Variants in PTPRD observed in about 807,000 individuals in gnomAD.
PTPRD encodes protein tyrosine phosphatase receptor type D, also known as receptor-type tyrosine-protein phosphatase delta.
PTPRD carries 34 observed loss-of-function variants against 214.5 expected under a neutral mutation model. The observed-to-expected ratio is 0.16, with a 90% CI of 0.12 to 0.21. The LOEUF (loss-of-function observed/expected upper bound fraction) is 0.21. Among genes scored for constraint, PTPRD ranks in the 10% least tolerant of loss-of-function variants. The probability of loss-of-function intolerance (pLI) is 1.00; values close to 1 mark genes in which losing one functional copy is unlikely to be tolerated. For synonymous variants in PTPRD, 1,128 were observed against 845.7 expected (o/e 1.33, Z -5.79); for missense variants, 2,545 against 2,398.7 (o/e 1.06, Z -1.27).
intron 14 of PTPRD, among the ~76,000 whole-genome samples, chr9:8,589,335 G>A (rs2093921617): frequency 6.6e-6 from 1 of 152,130 alleles, no homozygotes. Context: ...AACATTTAAT[G>A]TAGCAAAATA....
At chr9:9,520,039 C>T (rs2096928862) in intron 8 of PTPRD, among the ~76,000 whole-genome samples, 2 of 151,902 alleles carry the variant, frequency 1.3e-5, no homozygotes, top group South Asian at 4.1e-4. Context: ...AAAGTTGGTA[C>T]TTCAAAACAT....
chr9:9,027,679 T>C (rs2099591749), intron 10 of PTPRD, among the ~76,000 whole-genome samples: 2 of 151,892 alleles, frequency 1.3e-5, no homozygotes, highest in African/African-American at 2.4e-5. Flanking sequence ...CACATATCAT[T>C]GAGGTGTTAT....
At chr9:8,998,887 T>C (rs1169080508) in intron 11 of PTPRD, among the ~76,000 whole-genome samples, 1 of 151,838 alleles carries the variant, frequency 6.6e-6, no homozygotes, top group African/African-American at 2.4e-5. Flanking sequence ...CTTTGAGAGG[T>C]TCAAGACTTC....
At chr9:9,386,330 A>G (rs1261950210) in intron 9 of PTPRD, among the ~76,000 whole-genome samples, 2 of 152,104 alleles carry the variant, frequency 1.3e-5, no homozygotes, top group East Asian at 1.9e-4. Flanking sequence ...CATTGAACCA[A>G]TGAGGTACGG....
intron 3 of PTPRD, among the ~76,000 whole-genome samples, chr9:10,319,031 A>G (rs1467196397): frequency 4.6e-5 from 7 of 151,906 alleles, no homozygotes; most frequent in African/African-American, 7.3e-5. Context: ...CTCCCCTTCC[A>G]TCTTTTATGG....
At chr9:10,548,748 T>TG (rs5896401) in intron 2 of PTPRD, among the ~76,000 whole-genome samples, 144,271 of 152,192 alleles carry the variant, frequency 0.95, 68,502 homozygotes, top group Middle Eastern at 0.98. Flanking sequence ...GAGCAACATC[T>TG]TAGAATGCTG....
chr9:9,660,632 A>G (rs2096605042), intron 7 of PTPRD, among the ~76,000 whole-genome samples: 1 of 151,906 alleles, frequency 6.6e-6, no homozygotes, highest in Admixed American at 6.6e-5. Flanking sequence ...TGAAATTTTA[A>G]TTTCTTGATT....
At chr9:9,693,329 G>C (rs1348820702) in intron 7 of PTPRD, among the ~76,000 whole-genome samples, 1 of 152,052 alleles carries the variant, frequency 6.6e-6, no homozygotes. Flanking sequence ...TCTCATGTTT[G>C]TGAGTGGATT....
At chr9:8,353,801 C>G (rs1464375008) in intron 39 of PTPRD, among the ~76,000 whole-genome samples, 1 of 113,714 alleles carries the variant, frequency 8.8e-6, no homozygotes, top group East Asian at 2.1e-4. Context: ...AAATTTGAGA[C>G]TCCTTCTCAA....
Position 9,966,211 on chromosome 9 carries a change from C to T in PTPRD, c.-471-27601G>A, listed in dbSNP as rs192303886. On this transcript the variant is annotated intron_variant, in intron 4 of 45. Transcript: ENST00000381196. ...AAACTAAAGACCTAAGGCTATTTTT[C>T]GCAACACAAGGAAAGATTTATTCTC... is the stretch of plus-strand genomic sequence containing the variant. Among the ~76,000 whole-genome samples the T allele has an allele frequency of 8.5e-5, 13 of 152,154 alleles. No individual in the cohort carries two copies. The East Asian group carries it at 1.2e-3, about 14-fold the overall frequency.
intron 7 of PTPRD, among the ~76,000 whole-genome samples, chr9:9,669,794 T>C (rs887967307): frequency 1.3e-5 from 2 of 152,170 alleles, no homozygotes; most frequent in African/African-American, 4.8e-5. Flanking sequence ...TATGAGAATA[T>C]TGAGGATCAT....
chr9:10,173,217 G>A (rs897380388), intron 3 of PTPRD, among the ~76,000 whole-genome samples: 10 of 152,130 alleles, frequency 6.6e-5, no homozygotes, highest in East Asian at 3.9e-4. Flanking sequence ...GCTCTTTAGC[G>A]TATTCTAGTA....
chr9:10,231,987 A>AGTGTGTGTGTGTGTGT (rs1352673296), intron 3 of PTPRD, among the ~76,000 whole-genome samples: 7 of 97,722 alleles, frequency 7.2e-5, no homozygotes, highest in Admixed American at 3.4e-4. Context: ...AGAGAGAGAG[A>AGTGTGTGTGTGTGTGT]GAGTGTGTGT....
At chr9:8,476,796 T>C (rs1056220102) in intron 30 of PTPRD, among the ~76,000 whole-genome samples, 4 of 152,214 alleles carry the variant, frequency 2.6e-5, no homozygotes, top group Non-Finnish European at 4.4e-5. Flanking sequence ...AGGTGGCTCT[T>C]AGGAATTAAT....
chr9:8,782,870 A>G (rs1241342158), intron 11 of PTPRD, among the ~76,000 whole-genome samples: 2 of 152,140 alleles, frequency 1.3e-5, no homozygotes, highest in African/African-American at 4.8e-5. Flanking sequence ...GGCTGGGATT[A>G]CAGGCCTGAG....
rs554807923 is a variant in PTPRD, at chr9:8,737,535, G to A, written c.-103-3589C>T. Among the ~76,000 whole-genome samples the A allele has an allele frequency of 1.7e-3, 257 of 150,340 alleles. 2 individuals are homozygous for A. Among genetic ancestry groups the A allele is most frequent in the African/African-American group, 5.8e-3 (239 of 40,982 alleles). ...TGCTAAGTACTCTGAAAAAAAAAAA[G>A]AGCAAGGAGGTTCAGTGATATTAAA... On this transcript the variant is annotated intron_variant, in intron 11 of 45. Transcript: ENST00000381196.
intron 2 of PTPRD, among the ~76,000 whole-genome samples, chr9:10,523,622 T>TATAGAGAGAGAGAGAGAGAG (rs554367559): frequency 4.6e-5 from 6 of 131,382 alleles, no homozygotes; most frequent in South Asian, 2.4e-4. Context: ...TATATATATA[T>TATAGAGAGAGAGAGAGAGAG]AGACAGAAAG....
intron 8 of PTPRD, among the ~76,000 whole-genome samples, chr9:9,425,236 C>T (rs1188540209): frequency 2.0e-5 from 3 of 151,912 alleles, no homozygotes; most frequent in African/African-American, 7.3e-5. Context: ...TGGCAGCTGT[C>T]ATCAGGAGAG....
intron 10 of PTPRD, among the ~76,000 whole-genome samples, chr9:9,129,295 C>CA (rs1357461100): frequency 6.6e-5 from 10 of 152,120 alleles, no homozygotes; most frequent in African/African-American, 2.4e-4. Flanking sequence ...GAGGCTGAGG[C>CA]ATGAGAATCA....
Sources: allele counts gnomAD v4.1 joint callset (sites outside exome capture counted in the v4.1 genomes callset), GRCh38; gene constraint gnomAD v4.1.1; transcripts MANE v1.5; gene names NCBI Gene and HGNC (gene_info 2026-07-23, HGNC 2026-07-21).